ANKS6: variants seen among roughly 807,000 people sequenced by gnomAD.
ANKS6 encodes the protein ankyrin repeat and SAM domain-containing protein 6.
Under a neutral mutation model 77.9 loss-of-function variants are expected in ANKS6, and 47 were observed. The observed-to-expected ratio is 0.60, with a 90% CI of 0.48 to 0.77. The LOEUF (loss-of-function observed/expected upper bound fraction) is 0.77. Among genes scored for constraint, ANKS6 ranks in the 30% least tolerant of loss-of-function variants. The pLI is 0.00. For synonymous variants in ANKS6, 488 were observed against 501.7 expected, an observed-to-expected ratio of 0.97 and a Z score of 0.37; for missense variants, 1,150 against 1,159.1, an observed-to-expected ratio of 0.99 and a Z score of 0.11.
chr9:98,743,207 A>T (rs1233458801), intron 14 of ANKS6, among the ~76,000 whole-genome samples: 2 of 152,116 alleles, frequency 1.3e-5, no homozygotes, highest in African/African-American at 2.4e-5. Context: ...TCCTTGGCTC[A>T]CACATCTGGC....
At chr9:98,769,316 A>G (rs1369269803) in intron 10 of ANKS6, among the ~76,000 whole-genome samples, 1 of 152,152 alleles carries the variant, frequency 6.6e-6, no homozygotes, top group East Asian at 1.9e-4. Flanking sequence ...AAACCTCAAA[A>G]ATAGGCATAC....
intron 6 of ANKS6, 112 bp downstream of exon 6, chr9:98,780,077 C>G: frequency 6.9e-7 from 1 of 1,442,854 alleles, no homozygotes; most frequent in East Asian, 2.4e-5. Context: ...ACCTGCCACC[C>G]CTGCAGGGAC....
chr9:98,769,186 G>C (rs1588376323), intron 10 of ANKS6, among the ~76,000 whole-genome samples: 1 of 151,962 alleles, frequency 6.6e-6, no homozygotes, highest in African/African-American at 2.4e-5. Context: ...CCCAGGGCTG[G>C]GGGGTGCTCA....
intron 10 of ANKS6, among the ~76,000 whole-genome samples, chr9:98,769,376 C>T (rs1833501378): frequency 6.6e-6 from 1 of 152,060 alleles, no homozygotes; most frequent in African/African-American, 2.4e-5. Flanking sequence ...AATGAAATCA[C>T]TGAACATACA....
Position 98,784,119 on chromosome 9 carries a change from G to C in ANKS6, c.946C>G (p.Pro316Ala), listed in dbSNP as rs537807038. 3.2e-6 allele frequency: 5 copies of C among 1,563,188 alleles called. No homozygotes were observed. In the African/African-American group the frequency reaches 5.4e-5, roughly 17 times the overall value. Residue 316 changes from proline to alanine, a missense_variant, in exon 4 of 15, where the codon CCC becomes GCC. Coordinates refer to ENST00000353234, the MANE Select transcript of ANKS6 (RefSeq NM_173551.5). ...QLVKEIADED[P>A]SHVNLVNGDG... ...CCATTGACCAAGTTCACGTGGCTGG[G>C]GTCTTCATCGGCAATCTCTTTGACC...
Position 98,770,786 on chromosome 9 carries a change from C to T in ANKS6, c.1972+110G>A. ...TAGCCACATTAAGGAGAAAGTGCCT[C>T]TTGCGTGGTCATTTCTGCGACTGTC... On this transcript the variant is annotated intron_variant, in intron 10 of 14. Transcript: ENST00000353234. The T allele has an allele frequency of 6.1e-6, 7 of 1,155,574 alleles. No homozygotes were observed. The South Asian group carries it at 2.6e-4, about 43-fold the overall frequency. 71.6% of individuals were successfully genotyped at this position (1,155,574 alleles called of 1,614,324 possible). A position where few individuals can be genotyped will look rare whatever the true frequency, so the allele number is the denominator to read the frequency against.
chr9:98,752,466 G>A (rs1052356539), intron 12 of ANKS6, among the ~76,000 whole-genome samples: 2 of 151,920 alleles, frequency 1.3e-5, no homozygotes, highest in Non-Finnish European at 2.9e-5. Context: ...CCTTCCAGCA[G>A]TGACTACCAC....
chr9:98,767,938 T>C (rs1288030900), intron 11 of ANKS6, 143 bp downstream of exon 11: 3 of 1,191,184 alleles, frequency 2.5e-6, no homozygotes, highest in Non-Finnish European at 3.4e-6. Context: ...GCCCTTCTCA[T>C]GCAGCCCAGG....
chr9:98,757,876 C>T (rs879655755), intron 11 of ANKS6, among the ~76,000 whole-genome samples: 18 of 151,978 alleles, frequency 1.2e-4, no homozygotes, highest in Non-Finnish European at 2.1e-4. Flanking sequence ...TGCAGTGAGC[C>T]GAGATCGCAC....
chr9:98,784,939 A>T (rs1460393332), intron 2 of ANKS6, 63 bp from the exon 3 acceptor site: 1 of 1,459,110 alleles, frequency 6.9e-7, no homozygotes, highest in Non-Finnish European at 9.5e-7. Context: ...AAAAGTCACA[A>T]GGGTGTAACA....
chr9:98,761,705 C>T (rs758758099), intron 11 of ANKS6, among the ~76,000 whole-genome samples: 4 of 152,058 alleles, frequency 2.6e-5, no homozygotes, highest in African/African-American at 7.2e-5. Flanking sequence ...TGCCTTTGTA[C>T]CTTTAAAAAA....
intron 6 of ANKS6, among the ~76,000 whole-genome samples, chr9:98,778,668 C>T (rs1372111021): frequency 6.6e-6 from 1 of 152,188 alleles, no homozygotes; most frequent in Non-Finnish European, 1.5e-5. Flanking sequence ...GGCAGTGAAC[C>T]CTATTTGCCA....
At chr9:98,779,911 CT>C (rs1834142627) in intron 6 of ANKS6, among the ~76,000 whole-genome samples, 1 of 152,162 alleles carries the variant, frequency 6.6e-6, no homozygotes, top group Admixed American at 6.5e-5. Flanking sequence ...ATCCGCCCGT[CT>C]TGGCCTCTCA....
In ANKS6 at chr9:98,783,962, G is replaced by C; in HGVS notation, c.1103C>G (p.Thr368Ser). The C allele has an allele frequency of 6.3e-7, 1 of 1,594,028 alleles. No homozygotes were observed. The highest frequency in any genetic ancestry group is 1.7e-5 in the Admixed American group (1 of 58,626). ...VHGWTALMQA[T>S]YHGNKEIVKY... is the part of the protein sequence containing the mutation. ...TGGGGCTGGCACTGACCCATGGTAG[G>C]TTGCCTGCATGAGGGCCGTCCAGCC... is the stretch of plus-strand genomic sequence containing the variant. The change falls in exon 4 of 15, where the codon ACC becomes AGC. Residue 368 changes from threonine to serine, a missense_variant. Transcript: ENST00000353234.
chr9:98,754,547 C>T (rs1325382434), intron 12 of ANKS6, among the ~76,000 whole-genome samples: 1 of 151,704 alleles, frequency 6.6e-6, no homozygotes, highest in Non-Finnish European at 1.5e-5. Flanking sequence ...CAGGCTGAGG[C>T]AGGAGAATGG....
chr9:98,773,340 A>G (rs1222794316), intron 9 of ANKS6, among the ~76,000 whole-genome samples: 1 of 152,164 alleles, frequency 6.6e-6, no homozygotes, highest in Non-Finnish European at 1.5e-5. Flanking sequence ...TGCATCTACC[A>G]TCTAGATACA....
intron 3 of ANKS6, 27 bp downstream of exon 3, chr9:98,784,805 T>C (rs1467596178): frequency 1.2e-6 from 2 of 1,603,272 alleles, no homozygotes; most frequent in Non-Finnish European, 1.7e-6. Flanking sequence ...TTCTTAAATA[T>C]CCAAAAAGAT....
chr9:98,765,150 C>A (rs957813904), intron 11 of ANKS6, among the ~76,000 whole-genome samples: 1 of 152,182 alleles, frequency 6.6e-6, no homozygotes, highest in South Asian at 2.1e-4. Context: ...TGAAGACAGA[C>A]AATCCCAAAT....
intron 14 of ANKS6, 94 bp from the exon 15 acceptor site, chr9:98,736,717 CT>C: frequency 6.9e-7 from 1 of 1,444,314 alleles, no homozygotes; most frequent in African/African-American, 1.4e-5. Context: ...TCAACTCATA[CT>C]TCAAAAACCC....
Sources: allele counts gnomAD v4.1 joint callset (sites outside exome capture counted in the v4.1 genomes callset), GRCh38; gene constraint gnomAD v4.1.1; transcripts MANE v1.5; gene names NCBI Gene and HGNC (gene_info 2026-07-23, HGNC 2026-07-21).